The following MSN variants were observed in gnomAD, a reference collection of about 807,000 sequenced individuals.
The protein encoded by MSN is moesin, also known as epididymis luminal protein 70.
In MSN, 2 loss-of-function variants were observed where a neutral mutation model predicts 48.0. That is an observed-to-expected ratio of 0.04 (90% CI 0.02 to 0.13). The LOEUF is 0.13. Among genes scored for constraint, MSN ranks in the 10% least tolerant of loss-of-function variants. The pLI, the probability that MSN is intolerant of heterozygous loss-of-function variation, is 1.00. For synonymous variants in MSN, 146 were observed against 166.9 expected (o/e 0.87, Z 0.97); for missense variants, 267 against 470.1 (o/e 0.57, Z 3.99).
chrX:65,606,015 T>G (rs1164335986), intron 1 of MSN, among the ~76,000 whole-genome samples: 2 of 111,336 alleles, frequency 1.8e-5, no homozygotes, highest in African/African-American at 3.3e-5. Flanking sequence ...TGATCACAGC[T>G]CACTGCAGCC....
intron 1 of MSN, among the ~76,000 whole-genome samples, chrX:65,624,368 G>C (rs1358670784): frequency 9.0e-6 from 1 of 110,793 alleles, no homozygotes; most frequent in East Asian, 2.8e-4. Context: ...ATGAGCCACT[G>C]TGCCTGGCCT....
chrX:65,639,397 A>G (rs2070631109), intron 1 of MSN, among the ~76,000 whole-genome samples: 1 of 112,111 alleles, frequency 8.9e-6, no homozygotes, highest in African/African-American at 3.2e-5. Flanking sequence ...CACTCGCCTC[A>G]GCCTCCCAAA....
chrX:65,615,788 T>A (rs1277053771), intron 1 of MSN, among the ~76,000 whole-genome samples: 1 of 111,682 alleles, frequency 9.0e-6, no homozygotes, highest in Non-Finnish European at 1.9e-5. Flanking sequence ...CCCATGCCTA[T>A]GTCCTGAATG....
At chrX:65,683,386 C>T (rs932425133) in intron 1 of MSN, among the ~76,000 whole-genome samples, 1 of 92,775 alleles carries the variant, frequency 1.1e-5, no homozygotes, top group African/African-American at 5.6e-5. Flanking sequence ...CTACTGTTGC[C>T]GCCGCCGCCA....
upstream of MSN, among the ~76,000 whole-genome samples, chrX:65,666,994 T>C (rs1308475191): frequency 3.6e-5 from 4 of 111,757 alleles, no homozygotes; most frequent in Non-Finnish European, 7.5e-5. Context: ...AGGTGAAGAC[T>C]GGGATTTAGA....
upstream of MSN, chrX:65,667,546 G>A: frequency 1.4e-6 from 1 of 731,965 alleles, no homozygotes; most frequent in Non-Finnish European, 1.7e-6. Flanking sequence ...GGCCTGGCCA[G>A]GCGGGGCTGG....
chrX:65,596,255 C>T (rs1178055574), intron 1 of MSN, among the ~76,000 whole-genome samples: 1 of 111,011 alleles, frequency 9.0e-6, no homozygotes, highest in African/African-American at 3.3e-5. Context: ...ACTTAGGGAC[C>T]CCAGTGTCTT....
At position 65,740,557 on chromosome X, in the gene MSN, G is replaced by A. The variant is rs1312599664; in HGVS notation, c.*664G>A. On this transcript the variant is annotated 3_prime_UTR_variant, in exon 13 of 13. Coordinates refer to ENST00000360270, the MANE Select transcript of MSN (RefSeq NM_002444.3). Reference sequence around the variant, plus strand: ...CTCCCCAGGGTGGATGGGGGAAATGGTGCCTTCAAGACCTTCACCAAACAT... The same window carrying A: ...CTCCCCAGGGTGGATGGGGGAAATGATGCCTTCAAGACCTTCACCAAACAT... The A allele has an allele frequency of 1.2e-5, 2 of 172,560 alleles. No individual in the cohort carries two copies. The highest frequency in any genetic ancestry group is 2.2e-5 in the Non-Finnish European group (2 of 90,622). The allele number at this position is 172,560 out of a possible 1,213,427, so 14.2% of individuals were successfully genotyped here.
In MSN at chrX:65,652,428, A is replaced by G. The variant is rs528553065; in HGVS notation, c.-22+63816A>G. Among the ~76,000 whole-genome samples, 67 of 111,500 alleles carry G rather than the reference A, an allele frequency of 6.0e-4. No homozygotes were observed. In the South Asian group the frequency reaches 6.8e-3, roughly 11 times the overall value. On this transcript the variant is annotated intron_variant, in intron 1 of 3. Coordinates refer to the MSN transcript ENST00000609672. ...TTGTTGGAGATCCAGAACCCATGTCACAGGAAGAGTAAGACCTCTCCAGTT... is the reference window on the plus strand; with the variant it reads ...TTGTTGGAGATCCAGAACCCATGTCGCAGGAAGAGTAAGACCTCTCCAGTT...
chrX:65,645,995 T>G (rs2070692515), intron 1 of MSN, among the ~76,000 whole-genome samples: 1 of 112,236 alleles, frequency 8.9e-6, no homozygotes, highest in Admixed American at 9.5e-5. Flanking sequence ...GAATTCTGGA[T>G]TTTTGGATTA....
chrX:65,620,180 C>T (rs919481780), intron 1 of MSN, among the ~76,000 whole-genome samples: 1 of 112,714 alleles, frequency 8.9e-6, no homozygotes, highest in African/African-American at 3.2e-5. Context: ...TGCCCTGCCC[C>T]CAGAGGTGGA....
At chrX:65,661,200 G>A (rs1196411706) in intron 1 of MSN, among the ~76,000 whole-genome samples, 5 of 111,725 alleles carry the variant, frequency 4.5e-5, no homozygotes, top group Non-Finnish European at 5.6e-5. Context: ...CTGACCTCAA[G>A]TGATCCAACC....
intron 1 of MSN, among the ~76,000 whole-genome samples, chrX:65,631,998 T>C (rs1360856051): frequency 8.9e-6 from 1 of 112,210 alleles, no homozygotes; most frequent in Non-Finnish European, 1.9e-5. Context: ...GGGCTATTAT[T>C]AATAAAACAG....
At chrX:65,724,821 G>C (rs2071552399) in intron 2 of MSN, among the ~76,000 whole-genome samples, 1 of 110,349 alleles carries the variant, frequency 9.1e-6, no homozygotes, top group Non-Finnish European at 1.9e-5. Context: ...CGAGTAGCTG[G>C]GACTATAGGC....
At chrX:65,706,493 T>C (rs1372953152) in intron 1 of MSN, among the ~76,000 whole-genome samples, 1 of 111,578 alleles carries the variant, frequency 9.0e-6, no homozygotes, top group Non-Finnish European at 1.9e-5. Flanking sequence ...GGAAATGAGG[T>C]CATTGAGCTC....
At chrX:65,653,582 A>G (rs1221613609) in intron 1 of MSN, among the ~76,000 whole-genome samples, 1 of 109,830 alleles carries the variant, frequency 9.1e-6, no homozygotes. Flanking sequence ...ATTAGGCCGA[A>G]CAACACACAC....
chrX:65,735,769 A>G (rs2071670429), intron 8 of MSN, among the ~76,000 whole-genome samples: 2 of 112,165 alleles, frequency 1.8e-5, no homozygotes, highest in South Asian at 7.4e-4. Context: ...AAGACCAAAA[A>G]TCTCTGCTTT....
At chrX:65,713,119 C>T (rs1289426277) in intron 1 of MSN, among the ~76,000 whole-genome samples, 1 of 112,054 alleles carries the variant, frequency 8.9e-6, no homozygotes, top group Non-Finnish European at 1.9e-5. Context: ...GTTACTATTA[C>T]TACTGCTACC....
Position 65,739,115 on chromosome X carries a change from A to T in MSN, c.1490A>T (p.Asp497Val), listed in dbSNP as rs1160945080. The T allele has an allele frequency of 2.2e-5, 27 of 1,210,575 alleles. No homozygotes were observed. Among genetic ancestry groups the T allele is most frequent in the Non-Finnish European group, 2.6e-5 (23 of 895,301 alleles). The stretch of plus-strand genomic sequence containing the variant: ...GAGGCTAGTGCTGACCTACGGGCTG[A>T]TGCTATGGCCAAGGACCGCAGTGAG... ...GAEASADLRADAMAKDRSEEE... is the reference protein window; with the variant it reads ...GAEASADLRAVAMAKDRSEEE... The change falls in exon 12 of 13, where the codon GAT becomes GTT. Residue 497 changes from aspartate (D) to valine (V), a missense_variant. By Grantham distance (152) the Asp-to-Val change is radical. This residue lies in a region of MSN where 48 missense variants were observed against 115.5 expected (regional missense o/e 0.42). Transcript: ENST00000360270.
Sources: gnomAD v4.1 joint callset for allele counts (sites outside exome capture counted in the v4.1 genomes callset) on GRCh38, gnomAD v4.1.1 for gene constraint, gnomAD v4.1.1 regional missense constraint, MANE v1.5 for transcripts, NCBI Gene and HGNC (gene_info 2026-07-23, HGNC 2026-07-21) for gene names.